CYP19A1: variants seen among roughly 807,000 people sequenced by gnomAD.
The protein encoded by CYP19A1 is cytochrome P450 family 19 subfamily A member 1.
CYP19A1 carries 32 observed loss-of-function variants against 44.4 expected under a neutral mutation model. The observed-to-expected ratio is 0.72, with a 90% confidence interval of 0.54 to 0.97. The LOEUF (loss-of-function observed/expected upper bound fraction) is 0.97, where lower values mean the gene tolerates loss of function less well. Among genes scored for constraint, CYP19A1 ranks in the 50% least tolerant of loss-of-function variants. CYP19A1 has a pLI of 0.00. For synonymous variants in CYP19A1, 212 were observed against 215.6 expected, an observed-to-expected ratio of 0.98 and a Z score of 0.14; for missense variants, 598 against 637.8, an observed-to-expected ratio of 0.94 and a Z score of 0.67.
intron 1 of CYP19A1, among the ~76,000 whole-genome samples, chr15:51,315,424 C>T (rs1164481629): frequency 3.3e-5 from 5 of 152,130 alleles, no homozygotes; most frequent in African/African-American, 1.2e-4. Context: ...AGTACCCCCT[C>T]CCCTCCCCAT....
At chr15:51,244,052 G>A (rs1404478828) in intron 1 of CYP19A1, among the ~76,000 whole-genome samples, 2 of 152,172 alleles carry the variant, frequency 1.3e-5, no homozygotes, top group African/African-American at 4.8e-5. Context: ...ACTTGCAATG[G>A]CTCTCAATCA....
In CYP19A1 at chr15:51,210,220, T is replaced by C. The variant is rs1010486611; in HGVS notation, c.*588A>G. 1 of 394,032 alleles carries C rather than the reference T, an allele frequency of 2.5e-6. No individual in the cohort carries two copies. Among genetic ancestry groups the C allele is most frequent in the Non-Finnish European group, 5.0e-6 (1 of 198,762 alleles). The allele number at this position is 394,032 out of a possible 1,614,324, so 24.4% of individuals were successfully genotyped here. On this transcript the variant is annotated 3_prime_UTR_variant, in exon 10 of 10. Coordinates refer to ENST00000396402, the MANE Select transcript of CYP19A1 (RefSeq NM_000103.4). ...TGATTAAACTTTTGCCACAGACAGA[T>C]CATATGTAGACAAACAGGAATTAAT...
At chr15:51,302,718 C>T (rs942092075) in intron 1 of CYP19A1, among the ~76,000 whole-genome samples, 5 of 152,208 alleles carry the variant, frequency 3.3e-5, no homozygotes, top group Admixed American at 2.0e-4. Flanking sequence ...TGCCATCTTT[C>T]GAGGTCCAGC....
At chr15:51,272,257 A>C (rs142663203) in intron 1 of CYP19A1, among the ~76,000 whole-genome samples, 385 of 152,290 alleles carry the variant, frequency 2.5e-3, no homozygotes, top group Admixed American at 5.2e-3. Context: ...TTCCTGAGTA[A>C]ATCTCTTGTG....
intron 3 of CYP19A1, among the ~76,000 whole-genome samples, chr15:51,234,400 T>C (rs1595700121): frequency 6.6e-6 from 1 of 152,080 alleles, no homozygotes; most frequent in Non-Finnish European, 1.5e-5. Context: ...CCTGAGTCGG[T>C]CGGGGTTGTT....
At chr15:51,275,177 C>A (rs928374635) in intron 1 of CYP19A1, among the ~76,000 whole-genome samples, 5 of 152,256 alleles carry the variant, frequency 3.3e-5, no homozygotes, top group Non-Finnish European at 7.3e-5. Context: ...AAGAGTCCTA[C>A]CCCACTTCAC....
chr15:51,228,329 C>T (rs1453889207), intron 3 of CYP19A1, among the ~76,000 whole-genome samples: 2 of 152,228 alleles, frequency 1.3e-5, no homozygotes, highest in Non-Finnish European at 2.9e-5. Flanking sequence ...CATCCAGCCT[C>T]ACTCCACAAA....
At chr15:51,242,670 G>A in intron 2 of CYP19A1, 98 bp downstream of exon 2, 4 of 751,138 alleles carry the variant, frequency 5.3e-6, no homozygotes, top group Non-Finnish European at 2.4e-6. Flanking sequence ...ATCTTTCCAG[G>A]TTTGCTTTTT....
chr15:51,218,146 C>G (rs1335809824), intron 6 of CYP19A1, among the ~76,000 whole-genome samples: 1 of 152,140 alleles, frequency 6.6e-6, no homozygotes, highest in African/African-American at 2.4e-5. Context: ...ATGTTAAATT[C>G]ATTCAAAAAC....
chr15:51,226,948 A>G (rs2141076191), intron 4 of CYP19A1, among the ~76,000 whole-genome samples: 1 of 152,210 alleles, frequency 6.6e-6, no homozygotes, highest in Admixed American at 6.5e-5. Context: ...CAGTTCTAAA[A>G]TTATCTAATT....
intron 1 of CYP19A1, among the ~76,000 whole-genome samples, chr15:51,319,414 C>T (rs2036488268): frequency 6.6e-6 from 1 of 152,318 alleles, no homozygotes; most frequent in Middle Eastern, 3.4e-3. Flanking sequence ...AAGATATAAG[C>T]AGATCCTGTT....
chr15:51,333,582 TTTCTTGTTTCATTTGG>T (rs1368750265), intron 1 of CYP19A1, among the ~76,000 whole-genome samples: 1 of 152,222 alleles, frequency 6.6e-6, no homozygotes, highest in East Asian at 1.9e-4. Flanking sequence ...AACTCAGCAC[TTTCTTGTTTCATTTGG>T]AAAGGTGGTT....
intron 1 of CYP19A1, among the ~76,000 whole-genome samples, chr15:51,244,224 G>A (rs1211659028): frequency 6.6e-6 from 1 of 152,224 alleles, no homozygotes; most frequent in Non-Finnish European, 1.5e-5. Flanking sequence ...TTCTTAAGGA[G>A]TATGTCATTA....
At chr15:51,329,587 A>T (rs965953110) in intron 1 of CYP19A1, among the ~76,000 whole-genome samples, 3 of 152,210 alleles carry the variant, frequency 2.0e-5, no homozygotes, top group African/African-American at 7.2e-5. Flanking sequence ...ACCACCGGGG[A>T]TGAAGAAAGT....
At chr15:51,293,057 C>A (rs986444513) in intron 1 of CYP19A1, among the ~76,000 whole-genome samples, 12 of 150,498 alleles carry the variant, frequency 8.0e-5, no homozygotes, top group South Asian at 6.3e-4. Context: ...GCTGTGGGAA[C>A]AAGGAACAAG....
intron 1 of CYP19A1, among the ~76,000 whole-genome samples, chr15:51,281,559 G>T (rs568065469): frequency 6.6e-6 from 1 of 152,344 alleles, no homozygotes; most frequent in African/African-American, 2.4e-5. Flanking sequence ...ACAGGGGGCA[G>T]CAAAGCACAA....
chr15:51,210,586 C>T lies in CYP19A1; in HGVS notation c.*222G>A, dbSNP rs1176246689. ...CTTCACCGACTATTTCTCCCTCAAA[C>T]TCTTGGCCTCTGCTTTTTCTCTTGT... On this transcript the variant is annotated 3_prime_UTR_variant, in exon 10 of 10. Transcript: ENST00000396402. The T allele has an allele frequency of 1.5e-6, 1 of 679,924 alleles. No individual in the cohort carries two copies. The highest frequency in any genetic ancestry group is 2.7e-6 in the Non-Finnish European group (1 of 368,000). The allele number at this position is 679,924 out of a possible 1,614,324, so 42.1% of individuals were successfully genotyped here. A position where few individuals can be genotyped will look rare whatever the true frequency, so the allele number is the denominator to read the frequency against.
chr15:51,298,425 T>C (rs1273431459), intron 1 of CYP19A1, among the ~76,000 whole-genome samples: 1 of 152,266 alleles, frequency 6.6e-6, no homozygotes, highest in African/African-American at 2.4e-5. Flanking sequence ...AGAAACATTC[T>C]ACTGATCTTT....
At chr15:51,296,958 G>A (rs1417237581) in intron 1 of CYP19A1, among the ~76,000 whole-genome samples, 1 of 152,162 alleles carries the variant, frequency 6.6e-6, no homozygotes, top group Non-Finnish European at 1.5e-5. Context: ...ACAACCTCAT[G>A]CCAGTGTACC....
Sources: allele counts gnomAD v4.1 joint callset (sites outside exome capture counted in the v4.1 genomes callset), GRCh38; gene constraint gnomAD v4.1.1; transcripts MANE v1.5; gene names NCBI Gene and HGNC (gene_info 2026-07-23, HGNC 2026-07-21).